ERCC3: variants seen among roughly 807,000 people sequenced by gnomAD.
ERCC3 encodes the protein general transcription and DNA repair factor IIH helicase/translocase subunit XPB.
A neutral mutation model predicts 94.2 loss-of-function variants in ERCC3; 66 were observed. The ratio of observed to expected loss-of-function variants is 0.70; its 90% CI spans 0.57 to 0.86. ERCC3 has a LOEUF of 0.86. Among genes scored for constraint, ERCC3 ranks in the 40% least tolerant of loss-of-function variants. The pLI is 0.00. For missense variants in ERCC3, 829 were observed against 987.1 expected (o/e 0.84, Z 2.15); for synonymous variants, 349 against 369.1 (o/e 0.95, Z 0.63).
intron 7 of ERCC3, among the ~76,000 whole-genome samples, chr2:127,288,315 T>C (rs570583530): frequency 6.6e-6 from 1 of 152,346 alleles, no homozygotes; most frequent in East Asian, 1.9e-4. Context: ...CAACAGCCCC[T>C]TGCCATCATT....
Position 127,277,014 on chromosome 2 carries a change from C to T in ERCC3, c.1730+2159G>A, listed in dbSNP as rs186222533. ...ACATGTGAAGTCTCCAAAGCTTCTCCTCCTACATCCCTTCTCTCAGGAACC... is the reference window on the plus strand; with the variant it reads ...ACATGTGAAGTCTCCAAAGCTTCTCTTCCTACATCCCTTCTCTCAGGAACC... On this transcript the variant is annotated intron_variant, in intron 10 of 14. Transcript: ENST00000285398. This position sits in a 1 kb window ranked among gnomAD's most constrained non-coding sequence, Gnocchi z 5.1. Among the ~76,000 whole-genome samples the T allele has an allele frequency of 2.2e-3, 329 of 152,310 alleles. 3 individuals are homozygous for T. Among genetic ancestry groups the T allele is most frequent in the African/African-American group, 7.5e-3 (310 of 41,556 alleles).
At chr2:127,286,125 G>A (rs1685057579) in intron 8 of ERCC3, among the ~76,000 whole-genome samples, 2 of 152,154 alleles carry the variant, frequency 1.3e-5, no homozygotes, top group South Asian at 2.1e-4. Context: ...CCAGTTTTTA[G>A]AGGGCCATTA....
chr2:127,265,668 C>T (rs751988694), intron 12 of ERCC3, among the ~76,000 whole-genome samples: 4 of 152,210 alleles, frequency 2.6e-5, no homozygotes, highest in Admixed American at 6.5e-5. Context: ...CCGCCCACCT[C>T]GGCCTCCCAA....
In ERCC3 at chr2:127,277,535, C is replaced by T. The variant is rs1041865904; in HGVS notation, c.1730+1638G>A. Reference sequence around the variant, plus strand: ...TGAAACCCTATCTCTACCAAAAATACAAAAATTATCCAGGCTGTGGTGGCG... The same window carrying T: ...TGAAACCCTATCTCTACCAAAAATATAAAAATTATCCAGGCTGTGGTGGCG... On this transcript the variant is annotated intron_variant, in intron 10 of 14. Coordinates refer to ENST00000285398, the MANE Select transcript of ERCC3 (RefSeq NM_000122.2). The surrounding 1 kb of genome is among the most constrained non-coding windows in gnomAD (Gnocchi z 5.1). 1.3e-5 allele frequency among the ~76,000 whole-genome samples: 2 copies of T among 152,006 alleles called. No homozygotes were observed. The highest frequency in any genetic ancestry group is 2.9e-5 in the Non-Finnish European group (2 of 67,996).
intron 13 of ERCC3, chr2:127,260,659 T>A (rs567971703): frequency 3.3e-4 from 53 of 159,082 alleles, no homozygotes; most frequent in Non-Finnish European, 6.8e-4. Flanking sequence ...GTTCTAGGGA[T>A]GTCCTTTTAG....
chr2:127,286,557 AAAG>A (rs1685073396), intron 8 of ERCC3, 143 bp downstream of exon 8: 1 of 753,396 alleles, frequency 1.3e-6, no homozygotes, highest in Non-Finnish European at 2.2e-6. Context: ...AAAAAAAAAA[AAAG>A]AACTATTAAA....
rs751588745 is a variant in ERCC3 at position 127,289,843 on chromosome 2, G to T, written c.522-19C>A. Reference sequence around the variant, plus strand: ...GAAGTATCTGCAAGCAGGGGAGGAAGAAGGGGTCTACTGACCAGCAGGTAC... The same window carrying T: ...GAAGTATCTGCAAGCAGGGGAGGAATAAGGGGTCTACTGACCAGCAGGTAC... On this transcript the variant is annotated intron_variant, in intron 4 of 14. Transcript: ENST00000285398. 2 of 1,614,058 alleles carry T rather than the reference G, an allele frequency of 1.2e-6. No homozygotes were observed. The highest frequency in any genetic ancestry group is 1.7e-6 in the Non-Finnish European group (2 of 1,179,940).
intron 1 of ERCC3, 135 bp from the exon 2 acceptor site, chr2:127,293,853 T>G (rs1265651801): frequency 6.4e-7 from 1 of 1,562,380 alleles, no homozygotes; most frequent in East Asian, 2.3e-5. Flanking sequence ...GTTGCGCCCC[T>G]CACCCGTCTC....
intron 3 of ERCC3, chr2:127,290,598 T>G (rs578250140): frequency 1.1e-4 from 48 of 423,158 alleles, no homozygotes; most frequent in African/African-American, 9.3e-4. Context: ...ACACCAGTAT[T>G]ACTACAACTC....
rs775779518 is a variant in ERCC3, at chr2:127,288,875, G to A, written c.823-11C>T. The A allele has an allele frequency of 1.2e-6, 2 of 1,603,732 alleles. No homozygotes were observed. Among genetic ancestry groups the A allele is most frequent in the Admixed American group, 3.3e-5 (2 of 59,974 alleles). On this transcript the variant is annotated splice_polypyrimidine_tract_variant and intron_variant, in intron 6 of 14. Transcript: ENST00000285398. The stretch of plus-strand genomic sequence containing the variant: ...TTCCTCAATCATTTCCTGGAAAGAG[G>A]GCACAAAAGGGGTTTTAAAATCTTG...
chr2:127,281,975 G>A (rs961552988), intron 8 of ERCC3, among the ~76,000 whole-genome samples: 1 of 152,130 alleles, frequency 6.6e-6, no homozygotes, highest in African/African-American at 2.4e-5. Flanking sequence ...CCCAAGACAA[G>A]GATAAGGCAG....
rs1685310806 is a variant in ERCC3, at chr2:127,292,637, G to T, written c.444C>A (p.Val148=). The change falls in exon 3 of 15, where the codon GTC becomes GTA. Residue 148 remains valine, a synonymous_variant. Transcript: ENST00000285398. ...EYLRKLSKTG[V]PDGIMQFIKL... is the part of the protein sequence containing the mutation. ...TAATAAACTGCATAATTCCATCAGG[G>T]ACTCCAGTCTTGCTGAGCTTCCTGA... is the stretch of plus-strand genomic sequence containing the variant. 1 of 1,613,142 alleles carries T rather than the reference G, an allele frequency of 6.2e-7. No homozygotes were observed. Among genetic ancestry groups the T allele is most frequent in the Non-Finnish European group, 8.5e-7 (1 of 1,179,124 alleles).
rs1684063892 is a variant in ERCC3, at chr2:127,257,762, C to G, written c.2218-35G>C. On this transcript the variant is annotated intron_variant, in intron 14 of 14. Transcript: ENST00000285398. The surrounding 1 kb of genome is among the most constrained non-coding windows in gnomAD (Gnocchi z 5.4). ...AGGGGGAACCAGCCCATGTTAGTCT[C>G]CAGAAGAAAAGATACTCCTTTTATA... The G allele has an allele frequency of 6.2e-7, 1 of 1,613,566 alleles. No individual in the cohort carries two copies. Among genetic ancestry groups the G allele is most frequent in the South Asian group, 1.1e-5 (1 of 91,066 alleles).
chr2:127,292,181 T>C, intron 3 of ERCC3: 1 of 317,356 alleles, frequency 3.2e-6, no homozygotes, highest in Non-Finnish European at 6.2e-6. Flanking sequence ...TCTTAACTAC[T>C]TTCTTACTCC....
At chr2:127,260,197 G>GGAACTC (rs1684148583) in intron 13 of ERCC3, 1 of 154,130 alleles carries the variant, frequency 6.5e-6, no homozygotes, top group East Asian at 1.9e-4. Context: ...CATGACTCTG[G>GGAACTC]GAACTCCAAC....
rs527805561 is a variant in ERCC3, at chr2:127,268,742, G to A, written c.1945+2594C>T. Among the ~76,000 whole-genome samples, 7 of 152,162 alleles carry A rather than the reference G, an allele frequency of 4.6e-5. No individual in the cohort carries two copies. In the South Asian group the frequency reaches 1.5e-3, roughly 32 times the overall value. On this transcript the variant is annotated intron_variant, in intron 12 of 14. Coordinates refer to ENST00000285398, the MANE Select transcript of ERCC3 (RefSeq NM_000122.2). ...GAAAGTCTGACGGCTATGTGCTCTGGGGATGATCATCTTGTACAGCAGGAA... is the reference window on the plus strand; with the variant it reads ...GAAAGTCTGACGGCTATGTGCTCTGAGGATGATCATCTTGTACAGCAGGAA...
intron 12 of ERCC3, among the ~76,000 whole-genome samples, chr2:127,267,234 T>C (rs373743316): frequency 5.1e-4 from 78 of 152,318 alleles, no homozygotes; most frequent in African/African-American, 1.6e-3. Context: ...TGTCTAAGCC[T>C]TTTCCTAGCT....
At chr2:127,288,371 G>A (rs1168498906) in intron 7 of ERCC3, among the ~76,000 whole-genome samples, 1 of 152,110 alleles carries the variant, frequency 6.6e-6, no homozygotes, top group Non-Finnish European at 1.5e-5. Flanking sequence ...GCTGACTCTA[G>A]CACCACCCAA....
chr2:127,283,318 CGTT>C, intron 8 of ERCC3, among the ~76,000 whole-genome samples: 1 of 152,192 alleles, frequency 6.6e-6, no homozygotes, highest in Middle Eastern at 3.4e-3. Flanking sequence ...ACTATACTGT[CGTT>C]GTATAAATGA....
Sources: allele counts gnomAD v4.1 joint callset (sites outside exome capture counted in the v4.1 genomes callset), GRCh38; gene constraint gnomAD v4.1.1; non-coding constraint Gnocchi (gnomAD v3.1); transcripts MANE v1.5; gene names NCBI Gene and HGNC (gene_info 2026-07-23, HGNC 2026-07-21).